USP43: variants seen among roughly 807,000 people sequenced by gnomAD.
USP43 encodes the protein ubiquitin specific peptidase 43.
USP43 carries 33 observed loss-of-function variants against 90.7 expected under a neutral mutation model. The observed-to-expected ratio is 0.36, with a 90% CI of 0.28 to 0.49. The LOEUF (loss-of-function observed/expected upper bound fraction) is 0.49. USP43 is among the 20% of genes least tolerant of loss of function. The pLI is 0.98. For missense variants in USP43, 1,274 were observed against 1,476.4 expected, an observed-to-expected ratio of 0.86 and a Z score of 2.25; for synonymous variants, 598 against 615.8, an observed-to-expected ratio of 0.97 and a Z score of 0.43.
At chr17:9,712,195 G>C in intron 14 of USP43, 63 bp downstream of exon 14, 2 of 1,456,168 alleles carry the variant, frequency 1.4e-6, no homozygotes, top group East Asian at 2.5e-5. Context: ...TTATTGCTCA[G>C]TATGAAAGCG....
intron 8 of USP43, among the ~76,000 whole-genome samples, chr17:9,691,275 T>C (rs190288992): frequency 0.043 from 6,490 of 151,744 alleles, 445 homozygotes; most frequent in African/African-American, 0.15. Context: ...CCACCACACC[T>C]GGCTATTTTT....
chr17:9,656,290 C>T lies in USP43; in HGVS notation c.505-113C>T, dbSNP rs147286989. On this transcript the variant is annotated intron_variant, in intron 1 of 14. Coordinates refer to ENST00000285199, the MANE Select transcript of USP43 (RefSeq NM_153210.5). ...TCTACCCCGGCTGTTTGTGTGCTGT[C>T]ATCCCAGGTCAGGGCTGAATAATGA... The T allele has an allele frequency of 4.8e-4, 652 of 1,363,480 alleles. 2 individuals are homozygous for T. In the African/African-American group the frequency reaches 8.6e-3, roughly 18 times the overall value. 84.5% of individuals were successfully genotyped at this position (1,363,480 alleles called of 1,614,324 possible).
chr17:9,647,287 T>C (rs1438425012), intron 1 of USP43, among the ~76,000 whole-genome samples: 1 of 152,056 alleles, frequency 6.6e-6, no homozygotes, highest in Non-Finnish European at 1.5e-5. Context: ...TCCTCCCTCC[T>C]GCCTCCATTA....
chr17:9,646,165 T>G (rs1210370079), intron 1 of USP43, 29 bp downstream of exon 1: 1 of 1,399,174 alleles, frequency 7.1e-7, no homozygotes, highest in East Asian at 3.0e-5. Context: ...CCGACCGCCC[T>G]GTCCCCCTGG....
In USP43 at chr17:9,701,854, A is replaced by G. The variant is rs147577339; in HGVS notation, c.2011+154A>G. Reference sequence around the variant, plus strand: ...CACCAGGAAGATGAGGATGAGGAAAACAAAGATGAATAAGCCAAGGACCTG... The same window carrying G: ...CACCAGGAAGATGAGGATGAGGAAAGCAAAGATGAATAAGCCAAGGACCTG... On this transcript the variant is annotated intron_variant, in intron 12 of 14. Transcript: ENST00000285199. The surrounding 1 kb of genome is among the most constrained non-coding windows in gnomAD (Gnocchi z 7.2). Among the ~76,000 whole-genome samples, 3,066 of 152,302 alleles carry G rather than the reference A, an allele frequency of 0.02. 96 individuals are homozygous for G. Among genetic ancestry groups the G allele is most frequent in the African/African-American group, 0.07 (2,898 of 41,552 alleles).
At chr17:9,688,382 C>T (rs1419625559) in intron 8 of USP43, among the ~76,000 whole-genome samples, 3 of 147,230 alleles carry the variant, frequency 2.0e-5, no homozygotes, top group Non-Finnish European at 4.5e-5. Context: ...GATGGAGTCT[C>T]GCTCTGTCAC....
intron 6 of USP43, 29 bp from the exon 7 acceptor site, chr17:9,682,794 A>G: frequency 6.2e-7 from 1 of 1,609,350 alleles, no homozygotes; most frequent in East Asian, 2.2e-5. Flanking sequence ...CTTTAGGAAT[A>G]TGAACAAATG....
intron 9 of USP43, among the ~76,000 whole-genome samples, chr17:9,696,803 G>A (rs8077460): frequency 0.27 from 41,126 of 152,174 alleles, 6,221 homozygotes; most frequent in East Asian, 0.62. Flanking sequence ...CATGTGGCCC[G>A]TCCCTCACTG....
At chr17:9,654,988 T>G (rs1912133672) in intron 1 of USP43, among the ~76,000 whole-genome samples, 3 of 149,154 alleles carry the variant, frequency 2.0e-5, no homozygotes, top group African/African-American at 7.4e-5. Context: ...TCCATCCGCC[T>G]CGGCCTCCCA....
chr17:9,704,710 C>G (rs1054286986), intron 12 of USP43, among the ~76,000 whole-genome samples: 9 of 152,066 alleles, frequency 5.9e-5, no homozygotes, highest in African/African-American at 1.9e-4. Flanking sequence ...CAGTACCGAG[C>G]CTCTGGGGCT....
chr17:9,656,591 T>G (rs568209697), intron 2 of USP43, 57 bp downstream of exon 2: 1 of 1,526,372 alleles, frequency 6.6e-7, no homozygotes, highest in Non-Finnish European at 8.8e-7. Flanking sequence ...CTTTTAAATA[T>G]TGACTCAGCT....
rs745984100 is a variant in USP43, at chr17:9,728,447, A to T, written c.2829A>T (p.Lys943Asn). 6.2e-7 allele frequency: 1 copy of T among 1,612,448 alleles called. No individual in the cohort carries two copies. The highest frequency in any genetic ancestry group is 8.5e-7 in the Non-Finnish European group (1 of 1,179,270). The change falls in exon 15 of 15, where the codon AAA becomes AAT. Residue 943 changes from lysine (K) to asparagine (N), a missense_variant. By Grantham distance (94) the Lys-to-Asn change is moderately conservative (BLOSUM62 0). Coordinates refer to ENST00000285199, the MANE Select transcript of USP43 (RefSeq NM_153210.5). This position sits in a 1 kb window ranked among gnomAD's most constrained non-coding sequence, Gnocchi z 6.2. ...LTVMPSVEHE[K>N]PARPEGQKAM... is the part of the protein sequence containing the mutation. ...TGATGCCTTCAGTGGAGCATGAGAAACCAGCTCGACCGGAGGGCCAGAAGG... is the reference window on the plus strand; with the variant it reads ...TGATGCCTTCAGTGGAGCATGAGAATCCAGCTCGACCGGAGGGCCAGAAGG...
intron 8 of USP43, among the ~76,000 whole-genome samples, chr17:9,687,690 C>T (rs1914673866): frequency 6.6e-6 from 1 of 152,192 alleles, no homozygotes; most frequent in African/African-American, 2.4e-5. Context: ...ATTTGGGGCA[C>T]ACACAGATCT....
chr17:9,708,092 A>C (rs547442952), intron 12 of USP43, among the ~76,000 whole-genome samples: 6 of 152,334 alleles, frequency 3.9e-5, no homozygotes, highest in East Asian at 3.9e-4. Flanking sequence ...TTATGAGCAG[A>C]GCTCGTAGCA....
At position 9,701,802 on chromosome 17, in the gene USP43, T is replaced by C. The variant is rs1012187367; in HGVS notation, c.2011+102T>C. The C allele has an allele frequency of 1.9e-5, 20 of 1,057,144 alleles. 1 individual carries two copies. Among genetic ancestry groups the C allele is most frequent in the Middle Eastern group, 2.7e-4 (1 of 3,670 alleles). The allele number at this position is 1,057,144 out of a possible 1,614,324, so 65.5% of individuals were successfully genotyped here. A position where few individuals can be genotyped will look rare whatever the true frequency, so the allele number is the denominator to read the frequency against. Reference sequence around the variant, plus strand: ...GATGCTGAGCTCCCTGGGGCACTTATTGAGATCCGACCCCTCACCCACCGC... The same window carrying C: ...GATGCTGAGCTCCCTGGGGCACTTACTGAGATCCGACCCCTCACCCACCGC... On this transcript the variant is annotated intron_variant, in intron 12 of 14. Coordinates refer to ENST00000285199, the MANE Select transcript of USP43 (RefSeq NM_153210.5). The surrounding 1 kb of genome is among the most constrained non-coding windows in gnomAD (Gnocchi z 7.2).
chr17:9,656,474 G>C lies in USP43; in HGVS notation c.576G>C (p.Trp192Cys). ...ACGACGCCCTGGAATTCCTGCTCTG[G>C]TTGCTGGATCGTGTACATGAGGACC... ...SQHDALEFLLWLLDRVHEDLE... is the reference protein window; with the variant it reads ...SQHDALEFLLCLLDRVHEDLE... Residue 192 changes from tryptophan to cysteine, a missense_variant, in exon 2 of 15, where the codon TGG (tryptophan) becomes TGC (cysteine). Trp to Cys is a radical substitution (Grantham distance 215, BLOSUM62 -2). This residue lies in a region of USP43 where 259 missense variants were observed against 373.7 expected (regional missense o/e 0.69). Transcript: ENST00000285199. 6.2e-7 allele frequency: 1 copy of C among 1,610,464 alleles called. No homozygotes were observed. The highest frequency in any genetic ancestry group is 8.5e-7 in the Non-Finnish European group (1 of 1,178,504).
In USP43 at chr17:9,721,911, T is replaced by G. The variant is rs866080324; in HGVS notation, c.2336-6043T>G. ...ACACCCAGCTAATTTTTTTTTTTTT[T>G]TGTATTTTTAGTACAGATAGGGTTT... On this transcript the variant is annotated intron_variant, in intron 14 of 14. Coordinates refer to ENST00000285199, the MANE Select transcript of USP43 (RefSeq NM_153210.5). Among the ~76,000 whole-genome samples the G allele has an allele frequency of 4.6e-5, 7 of 150,834 alleles. No individual in the cohort carries two copies. In the South Asian group the frequency reaches 1.5e-3, roughly 32 times the overall value.
chr17:9,656,535 G>A lies in USP43; in HGVS notation c.636+1G>A. The A allele has an allele frequency of 6.2e-7, 1 of 1,610,112 alleles. No individual in the cohort carries two copies. The highest frequency in any genetic ancestry group is 8.5e-7 in the Non-Finnish European group (1 of 1,178,304). On this transcript the variant is annotated splice_donor_variant, in intron 2 of 14. Transcript: ENST00000285199. LOFTEE classifies it high-confidence loss of function. ...ATCCCGAGGGCCGGTGTCGGAGAAG[G>A]TCGGTCACTCTCAAAACAACACAAT...
intron 6 of USP43, among the ~76,000 whole-genome samples, chr17:9,681,373 T>A (rs1242950801): frequency 4.3e-5 from 5 of 116,420 alleles, no homozygotes; most frequent in Admixed American, 2.2e-4. Flanking sequence ...TAAATAAATA[T>A]ATATAAATAA....
Sources: gnomAD v4.1 joint callset for allele counts (sites outside exome capture counted in the v4.1 genomes callset) on GRCh38, gnomAD v4.1.1 for gene constraint, gnomAD v4.1.1 regional missense constraint, Gnocchi (gnomAD v3.1) non-coding constraint, MANE v1.5 for transcripts, NCBI Gene and HGNC (gene_info 2026-07-23, HGNC 2026-07-21) for gene names.